The following EFNA5 variants were observed in gnomAD, a reference collection of about 807,000 sequenced individuals.
EFNA5 encodes ephrin A5.
In EFNA5, 5 loss-of-function variants were observed where a neutral mutation model predicts 22.9. The observed-to-expected ratio is 0.22, with a 90% CI of 0.11 to 0.46. The LOEUF (loss-of-function observed/expected upper bound fraction) is 0.46, where lower values mean the gene tolerates loss of function less well. Among genes scored for constraint, EFNA5 ranks in the 20% least tolerant of loss-of-function variants. The pLI is 0.99. For missense variants in EFNA5, 237 were observed against 293.3 expected, an observed-to-expected ratio of 0.81 and a Z score of 1.40; for synonymous variants, 113 against 112.2, an observed-to-expected ratio of 1.01 and a Z score of -0.04.
chr5:107,423,866 T>C (rs1241894451), intron 2 of EFNA5, among the ~76,000 whole-genome samples: 1 of 152,210 alleles, frequency 6.6e-6, no homozygotes. Flanking sequence ...GGACTAGAAC[T>C]GCAAAGCATG....
chr5:107,486,854 G>C (rs1746635836), intron 1 of EFNA5, among the ~76,000 whole-genome samples: 1 of 152,160 alleles, frequency 6.6e-6, no homozygotes, highest in Non-Finnish European at 1.5e-5. Context: ...AGGCAGGGAG[G>C]AGCTAGAGAA....
intron 1 of EFNA5, among the ~76,000 whole-genome samples, chr5:107,580,215 T>A (rs943225563): frequency 6.6e-6 from 1 of 152,224 alleles, no homozygotes; most frequent in African/African-American, 2.4e-5. Flanking sequence ...GACAAGACCT[T>A]ATGAACACTG....
chr5:107,380,790 T>C lies in EFNA5; in HGVS notation c.*465A>G, dbSNP rs1267807343. ...GACATGATGCCCTGCGCGATCATCT[T>C]ACAGTTCTGAATGAGAAGGCATAAA... On this transcript the variant is annotated 3_prime_UTR_variant, in exon 5 of 5. Transcript: ENST00000333274. 7.5e-6 allele frequency: 3 copies of C among 401,554 alleles called. No individual in the cohort carries two copies. The highest frequency in any genetic ancestry group is 8.8e-6 in the Non-Finnish European group (2 of 227,750). 24.9% of individuals were successfully genotyped at this position (401,554 alleles called of 1,614,324 possible).
At chr5:107,482,848 CTCTCTCTCTCTCTCTCTCTCTCTATATA>C (rs754717672) in intron 1 of EFNA5, among the ~76,000 whole-genome samples, 7 of 71,372 alleles carry the variant, frequency 9.8e-5, no homozygotes, top group East Asian at 5.5e-4. Flanking sequence ...CTCTCTCTCT[CTCTCTCTCTCTCTCTCTCTCTCTATATA>C]TATATATATA....
intron 1 of EFNA5, among the ~76,000 whole-genome samples, chr5:107,529,317 C>A (rs1045009981): frequency 1.3e-5 from 2 of 152,094 alleles, no homozygotes; most frequent in Non-Finnish European, 2.9e-5. Context: ...GAAGTCCCCC[C>A]TACCCAAGGT....
intron 1 of EFNA5, among the ~76,000 whole-genome samples, chr5:107,465,311 C>T (rs1020499327): frequency 1.3e-5 from 2 of 152,214 alleles, no homozygotes; most frequent in African/African-American, 4.8e-5. Flanking sequence ...TGACGGTTAC[C>T]TAACATGACA....
At chr5:107,590,573 T>C (rs1749299799) in intron 1 of EFNA5, among the ~76,000 whole-genome samples, 1 of 151,928 alleles carries the variant, frequency 6.6e-6, no homozygotes, top group Admixed American at 6.6e-5. Context: ...TCTATTTTTT[T>C]GTGGAGACAG....
chr5:107,549,382 T>C (rs1207100948), intron 1 of EFNA5, among the ~76,000 whole-genome samples: 1 of 152,200 alleles, frequency 6.6e-6, no homozygotes, highest in East Asian at 1.9e-4. Context: ...ACAAAGTCTT[T>C]AAGATAAGCA....
chr5:107,610,676 T>C (rs948983528), intron 1 of EFNA5, among the ~76,000 whole-genome samples: 4 of 152,202 alleles, frequency 2.6e-5, no homozygotes, highest in African/African-American at 9.7e-5. Flanking sequence ...TTTCAGTGCA[T>C]ACAGTGTCAA....
intron 1 of EFNA5, among the ~76,000 whole-genome samples, chr5:107,567,017 A>T (rs182357162): frequency 4.6e-5 from 7 of 152,318 alleles, no homozygotes; most frequent in Admixed American, 6.5e-5. Flanking sequence ...TATTTACTTT[A>T]AAAAAATCCA....
chr5:107,502,272 C>T (rs1050434768), intron 1 of EFNA5, among the ~76,000 whole-genome samples: 3 of 152,180 alleles, frequency 2.0e-5, no homozygotes, highest in Non-Finnish European at 4.4e-5. Context: ...TGACTCACTG[C>T]AACAGGAAAC....
rs1749346773 is a variant in EFNA5 at position 107,591,915 on chromosome 5, A to ATT, written c.125+78573_125+78574insAA. Among the ~76,000 whole-genome samples the ATT allele has an allele frequency of 3.8e-4, 3 of 7,938 alleles. No homozygotes were observed. The African/African-American group carries it at 5.1e-3, about 13-fold the overall frequency. The allele number at this position is 7,938 out of a possible 152,430, so 5.2% of individuals were successfully genotyped here. A position where few individuals can be genotyped will look rare whatever the true frequency, so the allele number is the denominator to read the frequency against. ...ATTATATATAATATATAATATAAAA[A>ATT]ATATATATATAATATATAATATATA... On this transcript the variant is annotated intron_variant, in intron 1 of 4. Transcript: ENST00000333274.
intron 2 of EFNA5, among the ~76,000 whole-genome samples, chr5:107,426,414 C>G (rs1284199569): frequency 3.3e-5 from 5 of 152,130 alleles, no homozygotes; most frequent in Admixed American, 3.3e-4. Context: ...AATTTCAGGC[C>G]CTGCCTTAAG....
At chr5:107,488,912 T>C (rs62355576) in intron 1 of EFNA5, among the ~76,000 whole-genome samples, 16,178 of 151,866 alleles carry the variant, frequency 0.11, 978 homozygotes, top group East Asian at 0.22. Flanking sequence ...AGGCTGGTCT[T>C]GAACTCCTGA....
At chr5:107,417,335 AT>A (rs1748528621) in intron 2 of EFNA5, among the ~76,000 whole-genome samples, 1 of 152,174 alleles carries the variant, frequency 6.6e-6, no homozygotes, top group African/African-American at 2.4e-5. Flanking sequence ...GAATGAATTA[AT>A]TTTTTTGTGA....
chr5:107,658,309 T>C (rs1205334419), intron 1 of EFNA5, among the ~76,000 whole-genome samples: 1 of 152,220 alleles, frequency 6.6e-6, no homozygotes, highest in African/African-American at 2.4e-5. Flanking sequence ...GTTTGCTTAA[T>C]ATCTTTAGAC....
chr5:107,617,747 T>C (rs1023212125), intron 1 of EFNA5, among the ~76,000 whole-genome samples: 1 of 152,190 alleles, frequency 6.6e-6, no homozygotes, highest in African/African-American at 2.4e-5. Flanking sequence ...ACTGAAGTGC[T>C]CTGTTGCGGC....
chr5:107,556,026 T>C (rs915439939), intron 1 of EFNA5, among the ~76,000 whole-genome samples: 4 of 152,190 alleles, frequency 2.6e-5, no homozygotes, highest in Admixed American at 6.5e-5. Context: ...TCTTCACACC[T>C]TGTGCCCCTC....
At chr5:107,668,500 AG>A (rs1306459828) in intron 1 of EFNA5, among the ~76,000 whole-genome samples, 1 of 152,206 alleles carries the variant, frequency 6.6e-6, no homozygotes, top group African/African-American at 2.4e-5. Context: ...GGGTTAAAGT[AG>A]GGGTGTTGCT....
Sources: gnomAD v4.1 joint callset for allele counts (sites outside exome capture counted in the v4.1 genomes callset) on GRCh38, gnomAD v4.1.1 for gene constraint, MANE v1.5 for transcripts, NCBI Gene and HGNC (gene_info 2026-07-23, HGNC 2026-07-21) for gene names.